DISC1: variants seen among roughly 807,000 people sequenced by gnomAD.
DISC1 encodes disrupted in schizophrenia 1 protein.
DISC1 carries 57 observed loss-of-function variants against 84.5 expected under a neutral mutation model. That is an observed-to-expected ratio of 0.67 (90% CI 0.55 to 0.84). DISC1 has a LOEUF of 0.84. DISC1 is among the 40% of genes least tolerant of loss of function. DISC1 has a pLI of 0.00. For synonymous variants in DISC1, 411 were observed against 415.2 expected (o/e 0.99, Z 0.12); for missense variants, 1,000 against 1,057.8 (o/e 0.95, Z 0.76).
chr1:231,840,247 G>A (rs763248751), intron 9 of DISC1, among the ~76,000 whole-genome samples: 1 of 152,092 alleles, frequency 6.6e-6, no homozygotes, highest in Non-Finnish European at 1.5e-5. Flanking sequence ...AGTGCCAGTG[G>A]CTTATGGAGT....
At chr1:231,731,367 A>G (rs1397904406) in intron 3 of DISC1, among the ~76,000 whole-genome samples, 1 of 152,232 alleles carries the variant, frequency 6.6e-6, no homozygotes, top group African/African-American at 2.4e-5. Flanking sequence ...ATTACATGCA[A>G]ATTAAGAGGT....
At chr1:231,661,633 A>G (rs568110758) in intron 1 of DISC1, among the ~76,000 whole-genome samples, 13 of 152,180 alleles carry the variant, frequency 8.5e-5, no homozygotes, top group Non-Finnish European at 1.0e-4. Flanking sequence ...TATTCTGGCT[A>G]TCAGCTTCTG....
chr1:231,818,757 C>T, intron 9 of DISC1: 4 of 1,366,702 alleles, frequency 2.9e-6, no homozygotes, highest in Middle Eastern at 5.5e-4. Context: ...CTGTCTCAAC[C>T]TGTGTTTGCT....
chr1:231,722,617 T>G lies in DISC1; in HGVS notation c.1117+20593T>G, dbSNP rs181251516. On this transcript the variant is annotated intron_variant, in intron 3 of 12. Coordinates refer to ENST00000439617, the MANE Select transcript of DISC1 (RefSeq NM_018662.3). ...CTCCTATTAATGAAACTTCCCAAAT[T>G]TAAACAAAGCAAGACAAATAGATAT... is the stretch of plus-strand genomic sequence containing the variant. 2.8e-4 allele frequency: 445 copies of G among 1,614,012 alleles called. 1 individual carries two copies. The Middle Eastern group carries it at 5.8e-3, about 21-fold the overall frequency.
rs753922158 is a variant in DISC1, at chr1:232,009,542, G to A, written c.2307+493G>A. 1 of 885,634 alleles carries A rather than the reference G, an allele frequency of 1.1e-6. No individual in the cohort carries two copies. Among genetic ancestry groups the A allele is most frequent in the South Asian group, 5.3e-5 (1 of 19,024 alleles). The allele number at this position is 885,634 out of a possible 1,614,324, so 54.9% of individuals were successfully genotyped here. A position where few individuals can be genotyped will look rare whatever the true frequency, so the allele number is the denominator to read the frequency against. ...AATATATGTATTTATCCCATTAATT[G>A]TTTTTACCAAAACCAGATCATAATG... On this transcript the variant is annotated intron_variant, in intron 11 of 12. Transcript: ENST00000439617. This position sits in a 1 kb window ranked among gnomAD's most constrained non-coding sequence, Gnocchi z 4.6.
At chr1:231,674,741 T>C (rs573487364) in intron 1 of DISC1, among the ~76,000 whole-genome samples, 3 of 152,244 alleles carry the variant, frequency 2.0e-5, no homozygotes, top group Non-Finnish European at 4.4e-5. Flanking sequence ...TTCGTGGCCA[T>C]GTGTATGTAG....
chr1:232,026,762 CTTT>C lies in DISC1; in HGVS notation c.2425+230_2425+232del, dbSNP rs545455868. Among the ~76,000 whole-genome samples, 1,014 of 110,832 alleles carry C rather than the reference CTTT, an allele frequency of 9.1e-3. 6 individuals carry two copies. Among genetic ancestry groups the C allele is most frequent in the African/African-American group, 0.026 (784 of 29,684 alleles). The allele number at this position is 110,832 out of a possible 152,430, so 72.7% of individuals were successfully genotyped here. ...CAATTCAGTATTTTTTTTCTTTTTTCTTTTTTTTTTTTTTTTTTTTTTGATGCC... is the reference window on the plus strand; with the variant it reads ...CAATTCAGTATTTTTTTTCTTTTTTCTTTTTTTTTTTTTTTTTTTGATGCC... On this transcript the variant is annotated intron_variant, in intron 12 of 12. Transcript: ENST00000439617.
intron 9 of DISC1, among the ~76,000 whole-genome samples, chr1:231,829,013 A>C (rs1429286405): frequency 6.6e-6 from 1 of 152,166 alleles, no homozygotes; most frequent in Non-Finnish European, 1.5e-5. Context: ...TTGCATTATA[A>C]TATTCCAATT....
intron 9 of DISC1, among the ~76,000 whole-genome samples, chr1:231,918,308 A>C (rs1007736627): frequency 1.3e-5 from 2 of 152,246 alleles, no homozygotes; most frequent in Non-Finnish European, 2.9e-5. Context: ...GAGAGAACCA[A>C]GATGATTTGG....
chr1:231,704,759 C>CA (rs146300199), intron 3 of DISC1, among the ~76,000 whole-genome samples: 1,801 of 24,310 alleles, frequency 0.074, 509 homozygotes, highest in Non-Finnish European at 0.083. Context: ...GACTCCGTCT[C>CA]AAAAAAAAAA....
intron 9 of DISC1, among the ~76,000 whole-genome samples, chr1:231,917,332 G>A (rs113541776): frequency 5.3e-5 from 8 of 152,164 alleles, no homozygotes; most frequent in African/African-American, 1.7e-4. Flanking sequence ...TTTCATTCTC[G>A]CCGAATGCAT....
At chr1:231,872,565 T>G (rs2085545539) in intron 9 of DISC1, among the ~76,000 whole-genome samples, 1 of 152,214 alleles carries the variant, frequency 6.6e-6, no homozygotes, top group Non-Finnish European at 1.5e-5. Context: ...TGTAGCTGTT[T>G]CCTAGACTTC....
chr1:231,891,472 A>G (rs2087211672), intron 9 of DISC1, among the ~76,000 whole-genome samples: 1 of 152,242 alleles, frequency 6.6e-6, no homozygotes. Context: ...GTCAGGAGAC[A>G]GACGGAGCAG....
intron 5 of DISC1, among the ~76,000 whole-genome samples, chr1:231,768,598 A>C (rs927144313): frequency 6.6e-6 from 1 of 152,210 alleles, no homozygotes; most frequent in Admixed American, 6.5e-5. Context: ...TTAGTGTTTG[A>C]AGCACTCTGG....
At chr1:231,831,701 G>A (rs2082239436) in intron 9 of DISC1, among the ~76,000 whole-genome samples, 1 of 152,242 alleles carries the variant, frequency 6.6e-6, no homozygotes, top group African/African-American at 2.4e-5. Context: ...CCCTTGCGTA[G>A]TGAGGAAACC....
At chr1:231,820,171 T>G (rs1452575395) in intron 9 of DISC1, among the ~76,000 whole-genome samples, 1 of 152,224 alleles carries the variant, frequency 6.6e-6, no homozygotes, top group Non-Finnish European at 1.5e-5. Flanking sequence ...TGCTTAATTT[T>G]TTTTAACCAA....
At chr1:231,711,472 G>C (rs1198033740) in intron 3 of DISC1, among the ~76,000 whole-genome samples, 1 of 148,500 alleles carries the variant, frequency 6.7e-6, no homozygotes, top group East Asian at 2.0e-4. Flanking sequence ...CCACTCTCCT[G>C]CCTCAGCCTC....
Position 231,745,646 on chromosome 1 carries a change from C to T in DISC1, c.1118-4280C>T, listed in dbSNP as rs182456583. On this transcript the variant is annotated intron_variant, in intron 3 of 12. Transcript: ENST00000439617. ...CTGTAGAACACTAGAACTTATTCCT[C>T]CTATCTAGCTGTAATTCTGTAACTT... 1.2e-4 allele frequency: 19 copies of T among 153,914 alleles called. No homozygotes were observed. In the South Asian group the frequency reaches 2.5e-3, roughly 21 times the overall value. The allele number at this position is 153,914 out of a possible 1,614,324, so 9.5% of individuals were successfully genotyped here.
In DISC1 at chr1:231,770,901, G is replaced by A. The variant is rs761392527; in HGVS notation, c.1465G>A (p.Glu489Lys). ...LEAKDQQLRREIEEQEQQLQW... is the reference protein window; with the variant it reads ...LEAKDQQLRRKIEEQEQQLQW... ...AGCCAAAGATCAACAGCTGAGAAGG[G>A]AAATAGAGGAGCAAGAGCAGCAACT... Residue 489 changes from glutamate to lysine, a missense_variant, in exon 6 of 13, where the codon GAA (glutamate) becomes AAA (lysine). By Grantham distance (56) the Glu-to-Lys change is moderately conservative. Transcript: ENST00000439617. 6.2e-7 allele frequency: 1 copy of A among 1,614,188 alleles called. No individual in the cohort carries two copies. Among genetic ancestry groups the A allele is most frequent in the South Asian group, 1.1e-5 (1 of 91,074 alleles).
Sources: gnomAD v4.1 joint callset for allele counts (sites outside exome capture counted in the v4.1 genomes callset) on GRCh38, gnomAD v4.1.1 for gene constraint, Gnocchi (gnomAD v3.1) non-coding constraint, MANE v1.5 for transcripts, NCBI Gene and HGNC (gene_info 2026-07-23, HGNC 2026-07-21) for gene names.